LCLAT1: variants seen among roughly 807,000 people sequenced by gnomAD.
LCLAT1 encodes 1-AGP acyltransferase 8.
In LCLAT1, 11 loss-of-function variants were observed where a neutral mutation model predicts 30.7. That is an observed-to-expected ratio of 0.36 (90% CI 0.23 to 0.59). The LOEUF is 0.59. LCLAT1 is among the 20% of genes least tolerant of loss of function. LCLAT1 has a pLI of 0.77. For missense variants in LCLAT1, 402 were observed against 458.6 expected, an observed-to-expected ratio of 0.88 and a Z score of 1.13; for synonymous variants, 155 against 151.3, an observed-to-expected ratio of 1.02 and a Z score of -0.18.
intron 3 of LCLAT1, among the ~76,000 whole-genome samples, chr2:30,555,490 A>G (rs1664872639): frequency 6.6e-6 from 1 of 152,204 alleles, no homozygotes; most frequent in African/African-American, 2.4e-5. Context: ...AGTAATTATT[A>G]TATAATTGCT....
chr2:30,600,634 T>C (rs1667138941), intron 5 of LCLAT1, among the ~76,000 whole-genome samples: 1 of 147,004 alleles, frequency 6.8e-6, no homozygotes, highest in African/African-American at 2.5e-5. Context: ...CTCTTCTGGC[T>C]TGTAGGGTTT....
chr2:30,636,628 G>A (rs1237177448), intron 5 of LCLAT1, among the ~76,000 whole-genome samples: 1 of 152,044 alleles, frequency 6.6e-6, no homozygotes, highest in Non-Finnish European at 1.5e-5. Flanking sequence ...CATCAAACTT[G>A]CCATCTCAAA....
At chr2:30,572,871 TA>T (rs1291739708) in intron 5 of LCLAT1, among the ~76,000 whole-genome samples, 26 of 150,900 alleles carry the variant, frequency 1.7e-4, no homozygotes, top group Non-Finnish European at 3.3e-4. Context: ...CTCTAATCTT[TA>T]AAAAAAAATG....
chr2:30,508,961 T>A (rs1317377953), intron 1 of LCLAT1, among the ~76,000 whole-genome samples: 1 of 152,200 alleles, frequency 6.6e-6, no homozygotes, highest in African/African-American at 2.4e-5. Flanking sequence ...GTTTTGTAGT[T>A]CTCCTTGTAG....
intron 3 of LCLAT1, among the ~76,000 whole-genome samples, chr2:30,534,600 G>T (rs1002839677): frequency 1.3e-5 from 2 of 152,056 alleles, no homozygotes; most frequent in African/African-American, 4.8e-5. Flanking sequence ...AATTGCCTTT[G>T]TACTTATATC....
chr2:30,534,935 C>T (rs903276637), intron 3 of LCLAT1, among the ~76,000 whole-genome samples: 11 of 152,062 alleles, frequency 7.2e-5, no homozygotes, highest in East Asian at 1.9e-4. Context: ...AAGATTGATT[C>T]TACATGAGAT....
chr2:30,471,456 C>T (rs757247272), intron 1 of LCLAT1, among the ~76,000 whole-genome samples: 12 of 150,268 alleles, frequency 8.0e-5, no homozygotes, highest in Non-Finnish European at 1.6e-4. Context: ...GTGATCCACC[C>T]GCCTCAGCCT....
intron 5 of LCLAT1, among the ~76,000 whole-genome samples, chr2:30,637,126 C>T (rs1669073116): frequency 6.6e-6 from 1 of 152,128 alleles, no homozygotes; most frequent in Admixed American, 6.5e-5. Flanking sequence ...TTATTTACCT[C>T]CATGTGAGAG....
chr2:30,521,353 T>G (rs1359525618), intron 1 of LCLAT1, among the ~76,000 whole-genome samples: 1 of 152,120 alleles, frequency 6.6e-6, no homozygotes, highest in African/African-American at 2.4e-5. Context: ...GGTTTCAGGT[T>G]GCACCGTGGA....
At chr2:30,602,822 CAGCCCTGGCTT>C (rs1667253588) in intron 5 of LCLAT1, among the ~76,000 whole-genome samples, 1 of 152,142 alleles carries the variant, frequency 6.6e-6, no homozygotes, top group African/African-American at 2.4e-5. Context: ...AGTATTAGCT[CAGCCCTGGCTT>C]CCCATCCCTG....
intron 5 of LCLAT1, among the ~76,000 whole-genome samples, chr2:30,601,147 T>C (rs1667162481): frequency 6.6e-6 from 1 of 152,190 alleles, no homozygotes; most frequent in Non-Finnish European, 1.5e-5. Context: ...ATCATTTATG[T>C]TCATCTCTAA....
At chr2:30,636,596 A>T (rs1158202539) in intron 5 of LCLAT1, among the ~76,000 whole-genome samples, 2 of 152,088 alleles carry the variant, frequency 1.3e-5, no homozygotes. Context: ...ATCTTTCATC[A>T]AGGAAAATTT....
At chr2:30,552,427 G>A (rs1379004840) in intron 3 of LCLAT1, 9 of 360,664 alleles carry the variant, frequency 2.5e-5, no homozygotes, top group Non-Finnish European at 5.1e-5. Context: ...AATTAAGTTT[G>A]TTAGAGTATT....
chr2:30,633,477 A>T (rs1314600477), intron 5 of LCLAT1, among the ~76,000 whole-genome samples: 1 of 152,120 alleles, frequency 6.6e-6, no homozygotes, highest in Non-Finnish European at 1.5e-5. Context: ...TCACGAGGTC[A>T]AGAGATCAAG....
At chr2:30,502,607 A>G (rs1684453584) in intron 1 of LCLAT1, among the ~76,000 whole-genome samples, 1 of 152,184 alleles carries the variant, frequency 6.6e-6, no homozygotes, top group Non-Finnish European at 1.5e-5. Context: ...ATTTCATGTG[A>G]ATGAAATAAT....
intron 3 of LCLAT1, among the ~76,000 whole-genome samples, chr2:30,552,002 G>A (rs749439948): frequency 2.0e-5 from 3 of 152,120 alleles, no homozygotes; most frequent in Non-Finnish European, 4.4e-5. Flanking sequence ...ATAACACAGT[G>A]CCTTCACAGT....
chr2:30,514,590 GT>G (rs1685098536), intron 1 of LCLAT1, among the ~76,000 whole-genome samples: 1 of 152,044 alleles, frequency 6.6e-6, no homozygotes, highest in Non-Finnish European at 1.5e-5. Flanking sequence ...TGGTCAAAAG[GT>G]AGCCTATATT....
intron 5 of LCLAT1, among the ~76,000 whole-genome samples, chr2:30,630,596 T>C (rs1668720750): frequency 6.6e-6 from 1 of 152,226 alleles, no homozygotes. Flanking sequence ...AATGCTAATA[T>C]AAAATTTTAT....
At chr2:30,543,878 T>A (rs545027035) in intron 3 of LCLAT1, among the ~76,000 whole-genome samples, 49 of 152,226 alleles carry the variant, frequency 3.2e-4, no homozygotes, top group African/African-American at 1.2e-3. Context: ...CAATCTGTGT[T>A]TTTAGTTTTA....
Sources: gnomAD v4.1 joint callset for allele counts (sites outside exome capture counted in the v4.1 genomes callset) on GRCh38, gnomAD v4.1.1 for gene constraint, MANE v1.5 for transcripts, NCBI Gene and HGNC (gene_info 2026-07-23, HGNC 2026-07-21) for gene names.